MBIP: variants seen among roughly 807,000 people sequenced by gnomAD.
The protein encoded by MBIP is MAP3K12 binding inhibitory protein 1, also known as MAP3K12-binding inhibitory protein 1.
A neutral mutation model predicts 45.7 loss-of-function variants in MBIP; 32 were observed. The observed-to-expected ratio is 0.70, with a 90% CI of 0.53 to 0.94. The LOEUF is 0.94. MBIP is among the 40% of genes least tolerant of loss of function. MBIP has a pLI of 0.00. For synonymous variants in MBIP, 145 were observed against 141.0 expected (o/e 1.03, Z -0.20); for missense variants, 381 against 405.5 (o/e 0.94, Z 0.52).
chr14:36,299,695 G>GA (rs1174501893), intron 8 of MBIP, among the ~76,000 whole-genome samples: 1 of 151,998 alleles, frequency 6.6e-6, no homozygotes, highest in African/African-American at 2.4e-5. Context: ...ACTACCAGGA[G>GA]AAAAAAATCA....
intron 6 of MBIP, among the ~76,000 whole-genome samples, chr14:36,308,649 G>T (rs1446425686): frequency 6.6e-6 from 1 of 152,086 alleles, no homozygotes; most frequent in Non-Finnish European, 1.5e-5. Context: ...TGTAAAAAAG[G>T]GGCTTTACCA....
At chr14:36,317,474 C>T (rs1012682468) in intron 1 of MBIP, among the ~76,000 whole-genome samples, 2 of 152,012 alleles carry the variant, frequency 1.3e-5, no homozygotes, top group East Asian at 3.9e-4. Context: ...ACTTCTCCAC[C>T]ACAGTGAAAT....
At chr14:36,317,429 A>G (rs1218893231) in intron 1 of MBIP, among the ~76,000 whole-genome samples, 1 of 152,144 alleles carries the variant, frequency 6.6e-6, no homozygotes, top group Non-Finnish European at 1.5e-5. Context: ...AAAAACTATT[A>G]TTTAGCAATG....
At chr14:36,314,064 A>G (rs1880380408) in intron 4 of MBIP, 1 of 153,636 alleles carries the variant, frequency 6.5e-6, no homozygotes, top group Admixed American at 6.5e-5. Flanking sequence ...GACACAGGAC[A>G]TTTCAAACAG....
At chr14:36,316,595 T>C in intron 2 of MBIP, 98 bp downstream of exon 2, 1 of 1,086,770 alleles carries the variant, frequency 9.2e-7, no homozygotes, top group Non-Finnish European at 1.3e-6. Context: ...AGCAACACTA[T>C]TAATATAGTG....
At chr14:36,319,299 C>T (rs1880749643) in intron 1 of MBIP, among the ~76,000 whole-genome samples, 1 of 152,018 alleles carries the variant, frequency 6.6e-6, no homozygotes, top group South Asian at 2.1e-4. Context: ...CGTCTTGGGT[C>T]TTAAGAATGG....
chr14:36,305,332 T>C (rs748568392), intron 7 of MBIP: 3 of 152,368 alleles, frequency 2.0e-5, no homozygotes, highest in South Asian at 2.1e-4. Flanking sequence ...TCTGAATGTT[T>C]AAACTTTCCA....
intron 7 of MBIP, among the ~76,000 whole-genome samples, chr14:36,305,530 T>C (rs1431510757): frequency 6.6e-6 from 1 of 152,176 alleles, no homozygotes; most frequent in Non-Finnish European, 1.5e-5. Flanking sequence ...TTAATACATA[T>C]ATGCCAATCC....
Position 36,298,754 on chromosome 14 carries a change from G to T in MBIP, c.*329C>A, listed in dbSNP as rs1475392106. ...GTTACAAATATAAAGTCCTTTTAAA[G>T]TATCAATATCAAAATAAATCTTCCT... On this transcript the variant is annotated 3_prime_UTR_variant, in exon 9 of 9. Transcript: ENST00000416007. 2.1e-5 allele frequency: 4 copies of T among 188,098 alleles called. No individual in the cohort carries two copies. The highest frequency in any genetic ancestry group is 7.1e-5 in the African/African-American group (3 of 42,484). The allele number at this position is 188,098 out of a possible 1,614,324, so 11.7% of individuals were successfully genotyped here. A position where few individuals can be genotyped will look rare whatever the true frequency, so the allele number is the denominator to read the frequency against.
chr14:36,311,937 A>G (rs767892386), intron 5 of MBIP, 22 bp downstream of exon 5: 3 of 1,539,008 alleles, frequency 1.9e-6, no homozygotes, highest in African/African-American at 2.8e-5. Context: ...AGTGACTCAG[A>G]TGTCATGTGG....
At chr14:36,319,500 T>G (rs1880760694) in intron 1 of MBIP, 2 of 373,596 alleles carry the variant, frequency 5.4e-6, no homozygotes, top group South Asian at 4.2e-5. Flanking sequence ...TAGTAACTTC[T>G]TAAAAGACTG....
At chr14:36,302,830 G>C (rs1594507115) in intron 7 of MBIP, among the ~76,000 whole-genome samples, 1 of 152,212 alleles carries the variant, frequency 6.6e-6, no homozygotes, top group Non-Finnish European at 1.5e-5. Flanking sequence ...ATGATGGCTA[G>C]ATAAGGTTTT....
Position 36,320,472 on chromosome 14 carries a change from G to T in MBIP, c.117C>A (p.Thr39=). ...GGCCACCTCTCACCTGTCCAACCAG[G>T]GTGTGTAGGGAGCGAAAGATTTCGT... is the stretch of plus-strand genomic sequence containing the variant. ...VLYEIFRSLH[T]LVGQLDLRDD... Residue 39 remains threonine (T), a synonymous_variant, in exon 1 of 9, where the codon ACC becomes ACA. Coordinates refer to ENST00000416007, the MANE Select transcript of MBIP (RefSeq NM_016586.3). 6.2e-7 allele frequency: 1 copy of T among 1,614,104 alleles called. No individual in the cohort carries two copies. The highest frequency in any genetic ancestry group is 8.5e-7 in the Non-Finnish European group (1 of 1,180,034).
intron 4 of MBIP, chr14:36,313,149 T>A (rs1250963110): frequency 6.6e-6 from 1 of 152,060 alleles, no homozygotes; most frequent in Non-Finnish European, 1.5e-5. Flanking sequence ...CTCCTTTTTT[T>A]TTTTTTTGGA....
chr14:36,320,416 A>G, intron 1 of MBIP, 44 bp downstream of exon 1: 1 of 1,612,668 alleles, frequency 6.2e-7, no homozygotes, highest in Non-Finnish European at 8.5e-7. Context: ...GCGAGGAGGG[A>G]CCGGATGGTT....
intron 7 of MBIP, chr14:36,301,124 G>C: frequency 4.8e-6 from 1 of 208,102 alleles, no homozygotes; most frequent in East Asian, 1.2e-4. Flanking sequence ...TTCGGAAAGA[G>C]GTGCTCTGGG....
intron 3 of MBIP, 38 bp downstream of exon 3, chr14:36,314,653 A>T: frequency 6.2e-7 from 1 of 1,606,120 alleles, no homozygotes; most frequent in African/African-American, 1.3e-5. Context: ...GATTTTTTAA[A>T]ATAATACCCT....
intron 1 of MBIP, 127 bp from the exon 2 acceptor site, chr14:36,316,939 A>C: frequency 1.2e-6 from 1 of 863,840 alleles, no homozygotes; most frequent in Non-Finnish European, 1.7e-6. Flanking sequence ...GTTTTTAATA[A>C]TACACTGAAA....
chr14:36,310,911 A>T (rs2139219719), intron 6 of MBIP, among the ~76,000 whole-genome samples: 1 of 152,302 alleles, frequency 6.6e-6, no homozygotes, highest in East Asian at 1.9e-4. Flanking sequence ...GGAAGAAACA[A>T]GATCAAATTT....
Sources: gnomAD v4.1 joint callset for allele counts (sites outside exome capture counted in the v4.1 genomes callset) on GRCh38, gnomAD v4.1.1 for gene constraint, MANE v1.5 for transcripts, NCBI Gene and HGNC (gene_info 2026-07-23, HGNC 2026-07-21) for gene names.